Variants in ZNF446 observed in about 807,000 individuals in gnomAD.
ZNF446 encodes the protein zinc finger protein 446, also known as zinc finger protein with KRAB and SCAN domains 20.
In ZNF446, 42 loss-of-function variants were observed where a neutral mutation model predicts 34.0. The ratio of observed to expected loss-of-function variants is 1.23; its 90% CI spans 0.96 to 1.60. The LOEUF (loss-of-function observed/expected upper bound fraction) is 1.60. Among genes scored for constraint, ZNF446 ranks in the 40% most tolerant of loss-of-function variants. ZNF446 has a pLI of 0.00. For synonymous variants in ZNF446, 315 were observed against 251.0 expected (o/e 1.25, Z -2.41); for missense variants, 650 against 600.2 (o/e 1.08, Z -0.87).
chr19:58,487,750 A>G, the ZNF446 span, among the ~76,000 whole-genome samples: 1 of 152,224 alleles, frequency 6.6e-6, no homozygotes, highest in Non-Finnish European at 1.5e-5. Flanking sequence ...TGGAGGTTGC[A>G]GTGAGCCGAG....
downstream of ZNF446, among the ~76,000 whole-genome samples, chr19:58,484,290 A>AAAAAAAC (rs2053158093): frequency 6.7e-6 from 1 of 148,802 alleles, no homozygotes; most frequent in Non-Finnish European, 1.5e-5. Context: ...AAAAAAAAAA[A>AAAAAAAC]AAAACACACA....
chr19:58,487,771 T>C, the ZNF446 span, among the ~76,000 whole-genome samples: 1 of 152,228 alleles, frequency 6.6e-6, no homozygotes, highest in Non-Finnish European at 1.5e-5. Flanking sequence ...ATCACGCCAC[T>C]GTACTCCAGC....
chr19:58,478,469 G>A (rs1031056602), intron 4 of ZNF446, among the ~76,000 whole-genome samples: 8 of 152,088 alleles, frequency 5.3e-5, no homozygotes, highest in Admixed American at 1.3e-4. Context: ...CTCGAGACCA[G>A]CCTGACCAAT....
chr19:58,485,023 G>A (rs117609951), downstream of ZNF446, among the ~76,000 whole-genome samples: 17 of 151,904 alleles, frequency 1.1e-4, no homozygotes, highest in East Asian at 1.8e-3. Flanking sequence ...CGTGCCAGCC[G>A]GAGCAACAGA....
At chr19:58,486,557 G>A in the ZNF446 span, among the ~76,000 whole-genome samples, 20 of 151,686 alleles carry the variant, frequency 1.3e-4, no homozygotes, top group Non-Finnish European at 2.9e-4. Context: ...ACAGGCCCCC[G>A]CCACCGCACC....
Position 58,477,251 on chromosome 19 carries a change from C to T in ZNF446, c.33C>T (p.Pro11=), listed in dbSNP as rs749929904. 10 of 1,593,102 alleles carry T rather than the reference C, an allele frequency of 6.3e-6. No homozygotes were observed. The highest frequency in any genetic ancestry group is 1.7e-4 in the Middle Eastern group (1 of 5,856). MPSPLGPPCL[P]VMDPETTLEE... ...CCCCTCTGGGTCCCCCATGCCTGCC[C>T]GTCATGGACCCAGAGACCACCCTTG... Residue 11 remains proline, a synonymous_variant, in exon 2 of 7, where the codon CCC becomes CCT. Transcript: ENST00000594369.
chr19:58,487,892 C>T, the ZNF446 span, among the ~76,000 whole-genome samples: 3 of 152,264 alleles, frequency 2.0e-5, no homozygotes, highest in Non-Finnish European at 2.9e-5. Context: ...CAGGAATACA[C>T]ATCAGAAGAA....
the ZNF446 span, among the ~76,000 whole-genome samples, chr19:58,486,717 T>TTGG: frequency 0.01 from 908 of 89,788 alleles, 9 homozygotes; most frequent in Non-Finnish European, 0.014. Flanking sequence ...CTTTTTTTTT[T>TTGG]GGGGGGGGGC....
intron 3 of ZNF446, 115 bp downstream of exon 3, chr19:58,477,941 T>A: frequency 7.6e-7 from 1 of 1,313,664 alleles, no homozygotes; most frequent in African/African-American, 1.5e-5. Context: ...GAAGTGAATG[T>A]GGATGTCCCT....
chr19:58,478,160 C>A lies in ZNF446; in HGVS notation c.606C>A (p.Ser202=). The part of the protein sequence containing the change: ...NHGHQEPAST[S]FHPPRIQEEW... ...GACACCAAGAACCAGCCTCCACATC[C>A]TTCCACCCACCCAGGATTCAGGTGA... Residue 202 remains serine, a synonymous_variant, in exon 4 of 7, where the codon TCC becomes TCA. Transcript: ENST00000594369. 6.2e-7 allele frequency: 1 copy of A among 1,614,034 alleles called. No individual in the cohort carries two copies. The highest frequency in any genetic ancestry group is 2.2e-5 in the East Asian group (1 of 44,878).
At chr19:58,485,594 G>C (rs574106158), downstream of ZNF446, among the ~76,000 whole-genome samples, 89 of 152,110 alleles carry the variant, frequency 5.9e-4, no homozygotes, top group Non-Finnish European at 9.1e-4. Flanking sequence ...TGATATACAT[G>C]AAATGACTCA....
At chr19:58,476,974 T>C (rs2053091880) in intron 1 of ZNF446, among the ~76,000 whole-genome samples, 1 of 152,124 alleles carries the variant, frequency 6.6e-6, no homozygotes, top group Non-Finnish European at 1.5e-5. Flanking sequence ...TCCAAGCATT[T>C]GTCCCTGAGG....
downstream of ZNF446, among the ~76,000 whole-genome samples, chr19:58,482,250 G>A (rs375045545): frequency 3.2e-4 from 49 of 151,264 alleles, 2 homozygotes; most frequent in South Asian, 2.7e-3. Flanking sequence ...GGTTGGTCAC[G>A]TCTTCCTTAG....
chr19:58,487,304 A>G, the ZNF446 span, among the ~76,000 whole-genome samples: 1 of 152,186 alleles, frequency 6.6e-6, no homozygotes, highest in Admixed American at 6.5e-5. Flanking sequence ...GCTGCAGTGC[A>G]GTGGTGAAAC....
Position 58,480,488 on chromosome 19 carries a change from A to T in ZNF446, c.1115A>T (p.Glu372Val). Residue 372 changes from glutamate (E) to valine (V), a missense_variant, in exon 7 of 7, where the codon GAG (glutamate) becomes GTG (valine). Glu to Val is a moderately radical substitution (Grantham distance 121). Transcript: ENST00000594369. The surrounding 1 kb of genome is among the most constrained non-coding windows in gnomAD (Gnocchi z 7.2). ...GGGCTAGCCACCGGGGAAAGCACAG[A>T]GAAGCCACCACAAGGGGAGGTGGCC... ...SPGLATGEST[E>V]KPPQGEVAFP... 1 of 1,612,906 alleles carries T rather than the reference A, an allele frequency of 6.2e-7. No homozygotes were observed. Among genetic ancestry groups the T allele is most frequent in the Non-Finnish European group, 8.5e-7 (1 of 1,179,906 alleles).
At chr19:58,486,688 C>T in the ZNF446 span, among the ~76,000 whole-genome samples, 16 of 148,252 alleles carry the variant, frequency 1.1e-4, no homozygotes, top group African/African-American at 3.8e-4. Flanking sequence ...GGATTACAGG[C>T]GTGAGCCACC....
rs1292045569 is a variant in ZNF446, at chr19:58,480,499, C to T, written c.1126C>T (p.Gln376Ter). Residue 376 changes from glutamine (Q) to a stop codon, truncating the protein, a stop_gained, in exon 7 of 7, where the codon CAA (glutamine) becomes TAA (stop). Transcript: ENST00000594369. LOFTEE classifies it low-confidence loss of function (END_TRUNC). This position sits in a 1 kb window ranked among gnomAD's most constrained non-coding sequence, Gnocchi z 7.2. Reference protein sequence around the residue: ...ATGESTEKPPQGEVAFPHHPR... With the variant: ...ATGESTEKPP Reference sequence around the variant, plus strand: ...CGGGGAAAGCACAGAGAAGCCACCACAAGGGGAGGTGGCCTTTCCGCACCA... The same window carrying T: ...CGGGGAAAGCACAGAGAAGCCACCATAAGGGGAGGTGGCCTTTCCGCACCA... 6.2e-7 allele frequency: 1 copy of T among 1,612,922 alleles called. No individual in the cohort carries two copies. The highest frequency in any genetic ancestry group is 8.5e-7 in the Non-Finnish European group (1 of 1,179,862).
At chr19:58,483,124 C>T (rs1257482982), downstream of ZNF446, among the ~76,000 whole-genome samples, 2 of 151,582 alleles carry the variant, frequency 1.3e-5, no homozygotes, top group African/African-American at 4.9e-5. Context: ...TGTTGTTTCA[C>T]TTTGGGAGAC....
rs772049794 is a variant in ZNF446, at chr19:58,477,628, TCTC to T, written c.343-5_343-3del. 36 of 1,613,502 alleles carry T rather than the reference TCTC, an allele frequency of 2.2e-5. No homozygotes were observed. The highest frequency in any genetic ancestry group is 3.3e-5 in the South Asian group (3 of 91,078). ...GCTAGAGCCATTGTGACCTACCTCT[TCTC>T]CTCAGATCACAGCCCATGTCCTGAA... is the stretch of plus-strand genomic sequence containing the variant. On this transcript the variant is annotated splice_polypyrimidine_tract_variant and splice_region_variant and intron_variant, in intron 2 of 6. Transcript: ENST00000594369.
Sources: gnomAD v4.1 joint callset for allele counts (sites outside exome capture counted in the v4.1 genomes callset) on GRCh38, gnomAD v4.1.1 for gene constraint, Gnocchi (gnomAD v3.1) non-coding constraint, MANE v1.5 for transcripts, NCBI Gene and HGNC (gene_info 2026-07-23, HGNC 2026-07-21) for gene names.